The following LRRK2 variants were observed in gnomAD, a reference collection of about 807,000 sequenced individuals.
LRRK2 encodes leucine-rich repeat serine/threonine-protein kinase 2.
Under a neutral mutation model 302.6 loss-of-function variants are expected in LRRK2, and 203 were observed. That is an observed-to-expected ratio of 0.67 (90% confidence interval 0.60 to 0.75). LRRK2 has a LOEUF of 0.75. LRRK2 is among the 30% of genes least tolerant of loss of function. LRRK2 has a pLI of 0.00. For synonymous variants in LRRK2, 1,066 were observed against 1,031.9 expected (o/e 1.03, Z -0.63); for missense variants, 2,830 against 2,951.0 (o/e 0.96, Z 0.95).
chr12:40,321,239 C>T (rs17444021), intron 35 of LRRK2, 51 bp downstream of exon 35: 1 of 1,532,734 alleles, frequency 6.5e-7, no homozygotes, highest in Non-Finnish European at 8.9e-7. Flanking sequence ...TTAATTTAGA[C>T]TTATTAATTT....
chr12:40,284,778 C>A (rs998938776), intron 19 of LRRK2, among the ~76,000 whole-genome samples: 2 of 152,130 alleles, frequency 1.3e-5, no homozygotes, highest in Non-Finnish European at 2.9e-5. Context: ...CCTGTGTTAA[C>A]TTAGTCCCAT....
chr12:40,261,849 A>G (rs933997245), intron 13 of LRRK2, among the ~76,000 whole-genome samples: 1 of 152,204 alleles, frequency 6.6e-6, no homozygotes, highest in Non-Finnish European at 1.5e-5. Flanking sequence ...TAAGGATAGC[A>G]TATTGCATCT....
In LRRK2 at chr12:40,310,415, G is replaced by A; in HGVS notation, c.4318-16G>A. The A allele has an allele frequency of 3.1e-6, 5 of 1,612,424 alleles. No individual in the cohort carries two copies. The highest frequency in any genetic ancestry group is 4.2e-6 in the Non-Finnish European group (5 of 1,179,322). On this transcript the variant is annotated splice_polypyrimidine_tract_variant and intron_variant, in intron 30 of 50. Coordinates refer to ENST00000298910, the MANE Select transcript of LRRK2 (RefSeq NM_198578.4). ...TTGAAAGCAAACACAAGAGGGTTTTGTGTCTTTCCCTCCAGGCTCGCGCTT... is the reference window on the plus strand; with the variant it reads ...TTGAAAGCAAACACAAGAGGGTTTTATGTCTTTCCCTCCAGGCTCGCGCTT...
chr12:40,365,055 G>T lies in LRRK2; in HGVS notation c.7390+5G>T. 1 of 1,609,808 alleles carries T rather than the reference G, an allele frequency of 6.2e-7. No homozygotes were observed. On this transcript the variant is annotated splice_donor_5th_base_variant and intron_variant, in intron 49 of 50. Coordinates refer to ENST00000298910, the MANE Select transcript of LRRK2 (RefSeq NM_198578.4). ...TCATGATGACAGCACAGCTAGGCAA[G>T]TTTCTTTCCTTTAGATATTTTTCAT...
chr12:40,289,831 T>C (rs1294888877), intron 20 of LRRK2, among the ~76,000 whole-genome samples: 1 of 151,904 alleles, frequency 6.6e-6, no homozygotes, highest in Non-Finnish European at 1.5e-5. Flanking sequence ...AGTACCTTAT[T>C]ATAGATTCTA....
At position 40,358,074 on chromosome 12, in the gene LRRK2, C is replaced by G. The variant is rs578144907; in HGVS notation, c.6844-1186C>G. Reference sequence around the variant, plus strand: ...TGAGCCACCATACCCAGCCCTTTGCCTACTTTTAAATGGAGTTCTTTTTTT... The same window carrying G: ...TGAGCCACCATACCCAGCCCTTTGCGTACTTTTAAATGGAGTTCTTTTTTT... On this transcript the variant is annotated intron_variant, in intron 46 of 50. Coordinates refer to ENST00000298910, the MANE Select transcript of LRRK2 (RefSeq NM_198578.4). Among the ~76,000 whole-genome samples the G allele has an allele frequency of 3.9e-5, 6 of 151,968 alleles. No individual in the cohort carries two copies. The East Asian group carries it at 1.2e-3, about 29-fold the overall frequency.
chr12:40,353,403 G>A (rs549471030), intron 44 of LRRK2, among the ~76,000 whole-genome samples: 49 of 151,116 alleles, frequency 3.2e-4, no homozygotes, highest in East Asian at 5.9e-4. Context: ...GGGCAGAGGC[G>A]CTCCCCACAT....
rs182885006 is a variant in LRRK2, at chr12:40,275,052, G to C, written c.1941+59G>C. 10 of 1,593,478 alleles carry C rather than the reference G, an allele frequency of 6.3e-6. No homozygotes were observed. The East Asian group carries it at 2.0e-4, about 32-fold the overall frequency. On this transcript the variant is annotated intron_variant, in intron 16 of 50. Coordinates refer to ENST00000298910, the MANE Select transcript of LRRK2 (RefSeq NM_198578.4). ...TTGTGCGAATTTCACTTTTGGAGCA[G>C]TTTGTGTAATTCCCACTTTGCATGA... is the stretch of plus-strand genomic sequence containing the variant.
chr12:40,239,218 G>T (rs977657677), intron 5 of LRRK2, among the ~76,000 whole-genome samples: 1 of 152,176 alleles, frequency 6.6e-6, no homozygotes, highest in African/African-American at 2.4e-5. Flanking sequence ...GTATTGCAGC[G>T]AGAGTGACTC....
chr12:40,305,840 A>G lies in LRRK2; in HGVS notation c.3833A>G (p.Asn1278Ser). The change falls in exon 28 of 51, where the codon AAC becomes AGC. Residue 1278 changes from asparagine (N) to serine (S), a missense_variant. Transcript: ENST00000298910. ...CTGACATCTCTGGATGTCAGTTACA[A>G]CTTGGAACTAAGATCCTTTCCCAAT... ...ENLTSLDVSY[N>S]LELRSFPNEM... The G allele has an allele frequency of 6.2e-7, 1 of 1,613,712 alleles. No individual in the cohort carries two copies. Among genetic ancestry groups the G allele is most frequent in the South Asian group, 1.1e-5 (1 of 91,058 alleles).
chr12:40,270,750 C>T (rs1943197460), intron 14 of LRRK2, among the ~76,000 whole-genome samples: 1 of 151,970 alleles, frequency 6.6e-6, no homozygotes, highest in South Asian at 2.1e-4. Flanking sequence ...ATACATTCAA[C>T]TTTTTTCCTG....
intron 33 of LRRK2, among the ~76,000 whole-genome samples, chr12:40,316,941 G>A (rs1036357076): frequency 7.9e-5 from 12 of 152,032 alleles, no homozygotes; most frequent in African/African-American, 2.9e-4. Context: ...AGCTAAAGTT[G>A]CTCTCTAAAG....
intron 45 of LRRK2, among the ~76,000 whole-genome samples, chr12:40,355,511 C>CCCTCCCTT (rs1370065546): frequency 6.6e-5 from 3 of 45,542 alleles, no homozygotes. Flanking sequence ...TTCCATCCCT[C>CCCTCCCTT]CCTCCCTCCC....
intron 46 of LRRK2, among the ~76,000 whole-genome samples, chr12:40,358,033 G>C (rs1946594957): frequency 6.6e-6 from 1 of 151,496 alleles, no homozygotes; most frequent in Non-Finnish European, 1.5e-5. Flanking sequence ...TTCTCAAAGT[G>C]CTGGGATTAC....
chr12:40,329,311 T>C (rs1230514790), intron 39 of LRRK2, among the ~76,000 whole-genome samples: 1 of 152,204 alleles, frequency 6.6e-6, no homozygotes, highest in Non-Finnish European at 1.5e-5. Flanking sequence ...GTTTTTTTAG[T>C]ATACCAACTC....
At chr12:40,316,564 C>T (rs545796828) in intron 33 of LRRK2, among the ~76,000 whole-genome samples, 4 of 152,136 alleles carry the variant, frequency 2.6e-5, no homozygotes, top group African/African-American at 9.6e-5. Flanking sequence ...TACTTATTAG[C>T]TCTGTGAAAT....
chr12:40,232,439 A>G, intron 3 of LRRK2, 56 bp downstream of exon 3: 1 of 1,217,572 alleles, frequency 8.2e-7, no homozygotes, highest in East Asian at 2.3e-5. Context: ...TGTACACATG[A>G]CAACCTTCCC....
Position 40,263,844 on chromosome 12 carries a change from T to G in LRRK2, c.1599T>G (p.Val533=). Residue 533 remains valine, a synonymous_variant, in exon 14 of 51, where the codon GTT becomes GTG. Coordinates refer to ENST00000298910, the MANE Select transcript of LRRK2 (RefSeq NM_198578.4). ...AATTTCATCATAAGCTAAATATGGT[T>G]AAAAAACAGTGTTTCAAGAATGATA... ...DTEFHHKLNM[V]KKQCFKNDIH... is the part of the protein sequence containing the mutation. The G allele has an allele frequency of 6.2e-7, 1 of 1,613,206 alleles. No individual in the cohort carries two copies. The highest frequency in any genetic ancestry group is 8.5e-7 in the Non-Finnish European group (1 of 1,179,442).
intron 18 of LRRK2, among the ~76,000 whole-genome samples, chr12:40,278,697 G>A (rs7315853): frequency 0.012 from 1,830 of 152,156 alleles, 51 homozygotes; most frequent in African/African-American, 0.039. Context: ...CACTTTTGTC[G>A]GTGCCATTCA....
Sources: gnomAD v4.1 joint callset for allele counts (sites outside exome capture counted in the v4.1 genomes callset) on GRCh38, gnomAD v4.1.1 for gene constraint, MANE v1.5 for transcripts, NCBI Gene and HGNC (gene_info 2026-07-23, HGNC 2026-07-21) for gene names.